CCDC178: variants seen among roughly 807,000 people sequenced by gnomAD.
The protein encoded by CCDC178 is coiled-coil domain containing 178.
CCDC178 carries 126 observed loss-of-function variants against 117.4 expected under a neutral mutation model. That is an observed-to-expected ratio of 1.07 (90% confidence interval 0.93 to 1.24). The LOEUF (loss-of-function observed/expected upper bound fraction) is 1.24, where lower values mean the gene tolerates loss of function less well. CCDC178 is among the 50% of genes most tolerant of loss of function. The pLI is 0.00. For missense variants in CCDC178, 1,030 were observed against 986.9 expected (o/e 1.04, Z -0.59); for synonymous variants, 283 against 313.4 (o/e 0.90, Z 1.02).
At chr18:33,314,747 C>G (rs1419276680) in intron 11 of CCDC178, among the ~76,000 whole-genome samples, 1 of 152,132 alleles carries the variant, frequency 6.6e-6, no homozygotes, top group Non-Finnish European at 1.5e-5. Flanking sequence ...CATTTACAAC[C>G]TAAATATACG....
At chr18:33,400,075 T>C (rs2063690794) in intron 3 of CCDC178, among the ~76,000 whole-genome samples, 1 of 151,710 alleles carries the variant, frequency 6.6e-6, no homozygotes, top group African/African-American at 2.4e-5. Context: ...ATGTTGTCAG[T>C]GGAAGTAATA....
At chr18:33,435,969 C>A (rs947240098) in intron 2 of CCDC178, among the ~76,000 whole-genome samples, 1 of 151,460 alleles carries the variant, frequency 6.6e-6, no homozygotes, top group African/African-American at 2.4e-5. Flanking sequence ...TTTTTAATGA[C>A]GATGGTATAT....
At chr18:33,020,972 T>C (rs1031511397) in intron 21 of CCDC178, among the ~76,000 whole-genome samples, 1 of 152,208 alleles carries the variant, frequency 6.6e-6, no homozygotes. Context: ...TGTGAGGCTC[T>C]ACAGAAAAAC....
At chr18:33,071,650 T>A (rs1302318520) in intron 21 of CCDC178, among the ~76,000 whole-genome samples, 3 of 152,124 alleles carry the variant, frequency 2.0e-5, no homozygotes, top group African/African-American at 7.2e-5. Context: ...CTTTGTCATA[T>A]TCTCATTGGG....
At chr18:33,416,734 T>C (rs904460811) in intron 2 of CCDC178, among the ~76,000 whole-genome samples, 6 of 152,054 alleles carry the variant, frequency 3.9e-5, no homozygotes, top group African/African-American at 1.4e-4. Context: ...AGACATTACT[T>C]GCACCACAAC....
At chr18:33,242,499 T>C (rs2059499346) in intron 15 of CCDC178, among the ~76,000 whole-genome samples, 1 of 151,742 alleles carries the variant, frequency 6.6e-6, no homozygotes, top group African/African-American at 2.4e-5. Flanking sequence ...ATTTATAATA[T>C]TTTCATGCAA....
chr18:33,317,053 C>T (rs8093925), intron 11 of CCDC178, among the ~76,000 whole-genome samples: 40,523 of 151,764 alleles, frequency 0.27, 5,708 homozygotes, highest in East Asian at 0.49. Flanking sequence ...GTGGATGGGG[C>T]CAGATAAGAG....
chr18:33,197,983 T>C (rs2058951424), intron 20 of CCDC178, among the ~76,000 whole-genome samples: 1 of 152,192 alleles, frequency 6.6e-6, no homozygotes, highest in African/African-American at 2.4e-5. Flanking sequence ...TCTCTCAAAC[T>C]GTTATTATTA....
chr18:33,326,000 T>G (rs1373078484), intron 10 of CCDC178, among the ~76,000 whole-genome samples: 3 of 152,176 alleles, frequency 2.0e-5, no homozygotes, highest in African/African-American at 4.8e-5. Context: ...CTCCCTAGTC[T>G]CCCCTTCCTA....
intron 22 of CCDC178, among the ~76,000 whole-genome samples, chr18:32,949,160 C>A (rs1256996211): frequency 6.6e-6 from 1 of 151,992 alleles, no homozygotes; most frequent in Non-Finnish European, 1.5e-5. Flanking sequence ...TTTTATCTGG[C>A]TCTTCTAAAG....
chr18:33,127,128 TTTTTA>T (rs1291941617), intron 20 of CCDC178, among the ~76,000 whole-genome samples: 1 of 151,772 alleles, frequency 6.6e-6, no homozygotes, highest in Non-Finnish European at 1.5e-5. Context: ...TATACTAAAG[TTTTTA>T]TTTTTTAGAT....
intron 20 of CCDC178, among the ~76,000 whole-genome samples, chr18:33,119,692 C>T (rs2057909147): frequency 6.6e-6 from 1 of 152,146 alleles, no homozygotes; most frequent in South Asian, 2.1e-4. Flanking sequence ...TGGGTATATA[C>T]CCAAAGGATT....
In CCDC178 at chr18:33,031,254, T is replaced by A. The variant is rs76758820; in HGVS notation, c.2389-56573A>T. Among the ~76,000 whole-genome samples, 44 of 150,994 alleles carry A rather than the reference T, an allele frequency of 2.9e-4. 1 individual carries two copies. Among genetic ancestry groups the A allele is most frequent in the South Asian group, 1.5e-3 (7 of 4,772 alleles). Reference sequence around the variant, plus strand: ...ATATTTTTGGAGTTTTTTTTTTTTTTAAATGGAGTCTTGCTATGTTGCTCA... The same window carrying A: ...ATATTTTTGGAGTTTTTTTTTTTTTAAAATGGAGTCTTGCTATGTTGCTCA... On this transcript the variant is annotated intron_variant, in intron 21 of 22. Coordinates refer to ENST00000383096, the MANE Select transcript of CCDC178 (RefSeq NM_001105528.4).
intron 22 of CCDC178, among the ~76,000 whole-genome samples, chr18:32,969,472 C>T (rs948141028): frequency 1.3e-5 from 2 of 152,024 alleles, no homozygotes; most frequent in African/African-American, 2.4e-5. Flanking sequence ...AACCCACTTT[C>T]CAACCTCTCC....
intron 22 of CCDC178, among the ~76,000 whole-genome samples, chr18:32,964,191 G>A (rs1001938459): frequency 6.6e-6 from 1 of 152,036 alleles, no homozygotes; most frequent in African/African-American, 2.4e-5. Flanking sequence ...GTCAGCTTTA[G>A]ATGAGGGTGG....
At chr18:33,384,316 C>G (rs2063470806) in intron 5 of CCDC178, among the ~76,000 whole-genome samples, 2 of 152,048 alleles carry the variant, frequency 1.3e-5, no homozygotes, top group South Asian at 4.1e-4. Flanking sequence ...GAGAACTTCC[C>G]CAATCTAGCA....
intron 20 of CCDC178, among the ~76,000 whole-genome samples, chr18:33,182,249 T>G (rs1044729490): frequency 4.6e-5 from 7 of 151,720 alleles, no homozygotes; most frequent in African/African-American, 9.7e-5. Context: ...GGTGGAGAAA[T>G]GTAGGGAAGT....
At chr18:33,084,057 T>C (rs540184708) in intron 21 of CCDC178, among the ~76,000 whole-genome samples, 49 of 152,328 alleles carry the variant, frequency 3.2e-4, no homozygotes, top group Middle Eastern at 3.4e-3. Flanking sequence ...TTTTATACAA[T>C]AAATTGCTTG....
intron 14 of CCDC178, among the ~76,000 whole-genome samples, chr18:33,251,004 A>T (rs1207905400): frequency 6.6e-6 from 1 of 151,686 alleles, no homozygotes; most frequent in African/African-American, 2.4e-5. Context: ...AAAAACCTTC[A>T]AATTAAGGAG....
Sources: allele counts gnomAD v4.1 joint callset (sites outside exome capture counted in the v4.1 genomes callset), GRCh38; gene constraint gnomAD v4.1.1; transcripts MANE v1.5; gene names NCBI Gene and HGNC (gene_info 2026-07-23, HGNC 2026-07-21).